The following ARHGEF4 variants were observed in gnomAD, a reference collection of about 807,000 sequenced individuals.
ARHGEF4 encodes the protein Rho guanine nucleotide exchange factor 4, also known as APC-stimulated guanine nucleotide exchange factor 1.
Under a neutral mutation model 162.0 loss-of-function variants are expected in ARHGEF4, and 119 were observed. The ratio of observed to expected loss-of-function variants is 0.73; its 90% CI spans 0.63 to 0.86. The LOEUF is 0.86. Ranked by LOEUF, ARHGEF4 falls within the 40% of genes least tolerant of loss-of-function variation. ARHGEF4 has a pLI of 0.00. For synonymous variants in ARHGEF4, 1,014 were observed against 979.9 expected, an observed-to-expected ratio of 1.03 and a Z score of -0.65; for missense variants, 2,488 against 2,456.0, an observed-to-expected ratio of 1.01 and a Z score of -0.28.
chr2:130,886,323 T>C (rs984682194), intron 1 of ARHGEF4, among the ~76,000 whole-genome samples: 3 of 151,950 alleles, frequency 2.0e-5, no homozygotes, highest in African/African-American at 7.3e-5. Flanking sequence ...CAAGGAGGTA[T>C]TAACCTTATA....
intron 4 of ARHGEF4, among the ~76,000 whole-genome samples, chr2:130,978,187 T>G (rs1331149878): frequency 6.6e-6 from 1 of 152,216 alleles, no homozygotes; most frequent in Middle Eastern, 3.4e-3. Flanking sequence ...CTGGTTTCAG[T>G]CCCCCCTTTC....
rs541081960 is a variant in ARHGEF4 at position 130,986,886 on chromosome 2, G to A, written c.3985+40251G>A. ...TCTGAAGCTGCCTAGGCCCGCAGGA[G>A]AGCCTTGGGTCACACAATCCTAGGT... On this transcript the variant is annotated intron_variant, in intron 4 of 13. Coordinates refer to ENST00000409359, the MANE Select transcript of ARHGEF4 (RefSeq NM_001367493.1). Among the ~76,000 whole-genome samples the A allele has an allele frequency of 2.6e-5, 4 of 152,294 alleles. No individual in the cohort carries two copies. The South Asian group carries it at 8.3e-4, about 32-fold the overall frequency.
chr2:130,886,949 C>G (rs1339850000), intron 1 of ARHGEF4, among the ~76,000 whole-genome samples: 3 of 151,834 alleles, frequency 2.0e-5, no homozygotes, highest in Non-Finnish European at 2.9e-5. Flanking sequence ...TTTGTAGGCT[C>G]ATGTGGATTA....
chr2:130,944,690 T>C (rs1050295825), intron 3 of ARHGEF4, among the ~76,000 whole-genome samples: 6 of 152,226 alleles, frequency 3.9e-5, no homozygotes, highest in African/African-American at 1.4e-4. Context: ...AGCATGGTGA[T>C]ATAAGAGCTG....
intron 4 of ARHGEF4, among the ~76,000 whole-genome samples, chr2:130,949,589 C>T (rs898139041): frequency 1.3e-5 from 2 of 152,040 alleles, no homozygotes; most frequent in South Asian, 4.2e-4. Flanking sequence ...CTCCTGACCT[C>T]GTGATCCGCC....
intron 1 of ARHGEF4, among the ~76,000 whole-genome samples, chr2:130,903,407 G>T (rs11897457): frequency 1.3e-5 from 2 of 151,802 alleles, no homozygotes; most frequent in African/African-American, 4.8e-5. Flanking sequence ...TTACAGGCAC[G>T]TGCCACCACA....
In ARHGEF4 at chr2:130,931,099, C is replaced by T. The variant is rs373599530; in HGVS notation, c.3700C>T (p.Arg1234Cys). 1.1e-4 allele frequency: 175 copies of T among 1,614,166 alleles called. No homozygotes were observed. The South Asian group carries it at 1.2e-3, about 11-fold the overall frequency. The change falls in exon 3 of 14, where the codon CGT becomes TGT. Residue 1234 changes from arginine to cysteine, a missense_variant. Transcript: ENST00000409359. ...CCTCTGCATCTCTGCAGAGACTGTGCGTGGGGAGGCTCCTTCACAGCCTAG... is the reference window on the plus strand; with the variant it reads ...CCTCTGCATCTCTGCAGAGACTGTGTGTGGGGAGGCTCCTTCACAGCCTAG... ...ALLCISAETV[R>C]GEAPSQPRGI... is the part of the protein sequence containing the mutation.
In ARHGEF4 at chr2:130,988,897, TATATAGAGAGAGAG is replaced by T. The variant is rs1432511726; in HGVS notation, c.3986-39046_3986-39033del. 5.6e-3 allele frequency among the ~76,000 whole-genome samples: 624 copies of T among 111,328 alleles called. 1 individual carries two copies. The highest frequency in any genetic ancestry group is 0.012 in the South Asian group (32 of 2,686). 73.0% of individuals were successfully genotyped at this position (111,328 alleles called of 152,430 possible). On this transcript the variant is annotated intron_variant, in intron 4 of 13. Transcript: ENST00000409359. ...GTATATATATATATATATATATATA[TATATAGAGAGAGAG>T]AGAGAGAGAGAGAGAGAGAGAGAGA...
At chr2:131,015,737 A>G (rs1487669450) in intron 4 of ARHGEF4, among the ~76,000 whole-genome samples, 1 of 152,224 alleles carries the variant, frequency 6.6e-6, no homozygotes, top group Admixed American at 6.5e-5. Flanking sequence ...AAATAGAAAC[A>G]AACTCAGTCC....
At chr2:130,993,065 CAG>C (rs1262396358) in intron 4 of ARHGEF4, among the ~76,000 whole-genome samples, 2 of 152,190 alleles carry the variant, frequency 1.3e-5, no homozygotes, top group African/African-American at 4.8e-5. Context: ...GTCTGGGCAA[CAG>C]AGCAAGACTG....
intron 1 of ARHGEF4, among the ~76,000 whole-genome samples, chr2:130,864,172 ACT>A (rs1682090898): frequency 6.6e-6 from 1 of 150,594 alleles, no homozygotes; most frequent in Admixed American, 6.6e-5. Flanking sequence ...GGCGACAGAG[ACT>A]CTGTCTCAAA....
intron 4 of ARHGEF4, among the ~76,000 whole-genome samples, chr2:130,972,372 T>C (rs74605884): frequency 6.6e-6 from 1 of 152,198 alleles, no homozygotes; most frequent in East Asian, 1.9e-4. Flanking sequence ...TTCCAGAAAA[T>C]AGAACATTAA....
chr2:130,868,065 A>G (rs981042573), intron 1 of ARHGEF4, among the ~76,000 whole-genome samples: 4 of 150,134 alleles, frequency 2.7e-5, no homozygotes, highest in Non-Finnish European at 5.9e-5. Context: ...AGCTGGGACT[A>G]CAGGCGCCCG....
intron 1 of ARHGEF4, among the ~76,000 whole-genome samples, chr2:130,856,500 C>A (rs1479837408): frequency 6.6e-6 from 1 of 152,164 alleles, no homozygotes; most frequent in Non-Finnish European, 1.5e-5. Flanking sequence ...ATTCCTCAGG[C>A]TGAGAGCAAG....
intron 1 of ARHGEF4, among the ~76,000 whole-genome samples, chr2:130,870,275 C>T (rs548508964): frequency 4.6e-5 from 7 of 152,274 alleles, no homozygotes; most frequent in African/African-American, 1.2e-4. Flanking sequence ...ACCTAGCCCC[C>T]GGGAGCAGGG....
chr2:131,037,578 G>A (rs1351450186), intron 5 of ARHGEF4, among the ~76,000 whole-genome samples: 1 of 151,958 alleles, frequency 6.6e-6, no homozygotes, highest in Non-Finnish European at 1.5e-5. Context: ...TCCTAGCAGG[G>A]AGGGTCGTGG....
At chr2:130,972,292 G>T (rs1685418182) in intron 4 of ARHGEF4, among the ~76,000 whole-genome samples, 1 of 152,152 alleles carries the variant, frequency 6.6e-6, no homozygotes, top group Non-Finnish European at 1.5e-5. Flanking sequence ...GTTTATAAGA[G>T]CATAGTCTAC....
intron 1 of ARHGEF4, among the ~76,000 whole-genome samples, chr2:130,855,134 C>G (rs924826388): frequency 6.6e-6 from 1 of 151,982 alleles, no homozygotes; most frequent in African/African-American, 2.4e-5. Flanking sequence ...CTCGGCCTCC[C>G]AAAGTGCTGG....
At chr2:130,894,536 G>C (rs935656964) in intron 1 of ARHGEF4, among the ~76,000 whole-genome samples, 1 of 152,184 alleles carries the variant, frequency 6.6e-6, no homozygotes, top group East Asian at 1.9e-4. Flanking sequence ...GTCCTGCCAC[G>C]GAGGCAGGAC....
Sources: allele counts gnomAD v4.1 joint callset (sites outside exome capture counted in the v4.1 genomes callset), GRCh38; gene constraint gnomAD v4.1.1; transcripts MANE v1.5; gene names NCBI Gene and HGNC (gene_info 2026-07-23, HGNC 2026-07-21).